ZNF710: variants seen among roughly 807,000 people sequenced by gnomAD.
ZNF710 encodes the protein zinc finger protein 710.
ZNF710 carries 13 observed loss-of-function variants against 50.6 expected under a neutral mutation model. That is an observed-to-expected ratio of 0.26 (90% CI 0.17 to 0.41). ZNF710 has a LOEUF of 0.41. Among genes scored for constraint, ZNF710 ranks in the 10% least tolerant of loss-of-function variants. The pLI is 1.00. For synonymous variants in ZNF710, 383 were observed against 397.0 expected, an observed-to-expected ratio of 0.96 and a Z score of 0.42; for missense variants, 721 against 936.6, an observed-to-expected ratio of 0.77 and a Z score of 3.01.
At chr15:90,026,260 C>CA (rs1303807061) in intron 1 of ZNF710, among the ~76,000 whole-genome samples, 44 of 40,772 alleles carry the variant, frequency 1.1e-3, no homozygotes, top group Admixed American at 6.6e-3. Flanking sequence ...AAAACAACAA[C>CA]AACAACAACA....
chr15:90,074,105 ATGTGTTCTAGGTGTGCGGGAAGTC>A lies in ZNF710; in HGVS notation c.1651-10_1664del. ...CCCACAGGCTCAGGACACCGGGTTGATGTGTTCTAGGTGTGCGGGAAGTCCTTCAACCGCATGTACAACCTGCTG... is the reference window on the plus strand; with the variant it reads ...CCCACAGGCTCAGGACACCGGGTTGACTTCAACCGCATGTACAACCTGCTG... On this transcript the variant is annotated splice_acceptor_variant and splice_polypyrimidine_tract_variant and coding_sequence_variant and intron_variant, in exon 4 of 5. Transcript: ENST00000268154. LOFTEE classifies it high-confidence loss of function. 6.2e-7 allele frequency: 1 copy of A among 1,605,694 alleles called. No individual in the cohort carries two copies. Among genetic ancestry groups the A allele is most frequent in the Non-Finnish European group, 8.5e-7 (1 of 1,177,174 alleles).
At position 90,045,393 on chromosome 15, in the gene ZNF710, GGTTT is replaced by G. The variant is rs1023088474; in HGVS notation, c.-28-21715_-28-21712del. On this transcript the variant is annotated intron_variant, in intron 1 of 4. Transcript: ENST00000268154. ...AGAGGTTAGACAGTGACGGCTGACA[GGTTT>G]GCCGTCTGGGAACTGTTGCGGACCT... The G allele has an allele frequency of 2.6e-5, 26 of 985,424 alleles. No individual in the cohort carries two copies. The African/African-American group carries it at 4.0e-4, about 15-fold the overall frequency. 61.0% of individuals were successfully genotyped at this position (985,424 alleles called of 1,614,324 possible).
intron 1 of ZNF710, among the ~76,000 whole-genome samples, chr15:90,004,489 C>T (rs1049066728): frequency 1.3e-5 from 2 of 152,166 alleles, no homozygotes; most frequent in African/African-American, 4.8e-5. Context: ...GGGCCTAGCC[C>T]GCGGCAGGAC....
chr15:90,062,106 C>T lies in ZNF710; in HGVS notation c.-28-5004C>T, dbSNP rs889297623. On this transcript the variant is annotated intron_variant, in intron 1 of 4. Transcript: ENST00000268154. The surrounding 1 kb of genome is among the most constrained non-coding windows in gnomAD (Gnocchi z 5.6). ...TCCGGTGTCACTGCACGCCCCTCCC[C>T]CTCCCGCCTTTGTTTCTTGGCCTCC... Among the ~76,000 whole-genome samples the T allele has an allele frequency of 6.6e-6, 1 of 151,676 alleles. No homozygotes were observed. Among genetic ancestry groups the T allele is most frequent in the Non-Finnish European group, 1.5e-5 (1 of 67,854 alleles).
chr15:90,023,661 G>T (rs1035065480), intron 1 of ZNF710, among the ~76,000 whole-genome samples: 1 of 152,074 alleles, frequency 6.6e-6, no homozygotes, highest in Non-Finnish European at 1.5e-5. Context: ...ACCAGCCTGG[G>T]TGACAGAGTG....
intron 1 of ZNF710, among the ~76,000 whole-genome samples, chr15:90,048,321 C>T (rs538359923): frequency 6.6e-6 from 1 of 152,318 alleles, no homozygotes; most frequent in East Asian, 1.9e-4. Context: ...CTTGTGTTTC[C>T]TTCTTCACTT....
intron 1 of ZNF710, among the ~76,000 whole-genome samples, chr15:90,061,487 A>G (rs1322666010): frequency 6.6e-6 from 1 of 152,044 alleles, no homozygotes; most frequent in African/African-American, 2.4e-5. Flanking sequence ...TTGGTGTTTG[A>G]GATCTCCCTG....
intron 1 of ZNF710, among the ~76,000 whole-genome samples, chr15:90,035,641 C>G (rs953204460): frequency 5.3e-5 from 8 of 152,198 alleles, no homozygotes; most frequent in African/African-American, 1.9e-4. Context: ...GGCGGGAAGC[C>G]CCGCACTTCC....
chr15:90,049,546 T>C lies in ZNF710; in HGVS notation c.-28-17564T>C, dbSNP rs1899572918. 1.3e-5 allele frequency among the ~76,000 whole-genome samples: 2 copies of C among 152,202 alleles called. 1 individual carries two copies. Among genetic ancestry groups the C allele is most frequent in the South Asian group, 4.1e-4 (2 of 4,836 alleles). On this transcript the variant is annotated intron_variant, in intron 1 of 4. Coordinates refer to ENST00000268154, the MANE Select transcript of ZNF710 (RefSeq NM_198526.4). ...CATCTGGGACACATGGCCCAGAGCC[T>C]ACCACCCTGCAGACAGGGCTTCCAA... is the stretch of plus-strand genomic sequence containing the variant.
In ZNF710 at chr15:90,062,467, G is replaced by A. The variant is rs892817733; in HGVS notation, c.-28-4643G>A. 6.6e-6 allele frequency among the ~76,000 whole-genome samples: 1 copy of A among 152,108 alleles called. No individual in the cohort carries two copies. Among genetic ancestry groups the A allele is most frequent in the African/African-American group, 2.4e-5 (1 of 41,428 alleles). On this transcript the variant is annotated intron_variant, in intron 1 of 4. Transcript: ENST00000268154. The surrounding 1 kb of genome is among the most constrained non-coding windows in gnomAD (Gnocchi z 5.6). ...GGGGAGCTTTTGTTCTGAGTCCTTA[G>A]CACAAGTGGTGGGAGAGGCCCTGCT...
intron 1 of ZNF710, among the ~76,000 whole-genome samples, chr15:90,058,721 A>ATATATATATATATATATATATATGTATG (rs1567236953): frequency 1.9e-4 from 28 of 144,634 alleles, no homozygotes; most frequent in African/African-American, 7.8e-4. Context: ...ATATATATAC[A>ATATATATATATATATATATATATGTATG]CACATATACA....
chr15:90,061,509 T>C (rs1452745767), intron 1 of ZNF710, among the ~76,000 whole-genome samples: 1 of 152,162 alleles, frequency 6.6e-6, no homozygotes. Context: ...TGGTGGGAAC[T>C]AGTCAAAGAG....
At chr15:90,021,544 G>A (rs58957390) in intron 1 of ZNF710, among the ~76,000 whole-genome samples, 129 of 152,280 alleles carry the variant, frequency 8.5e-4, no homozygotes, top group African/African-American at 3.1e-3. Context: ...ATCGCCCTTT[G>A]TTCTCTCTTA....
rs963067884 is a variant in ZNF710 at position 90,059,302 on chromosome 15, A to G, written c.-28-7808A>G. Among the ~76,000 whole-genome samples the G allele has an allele frequency of 2.0e-5, 3 of 152,188 alleles. No homozygotes were observed. Among genetic ancestry groups the G allele is most frequent in the African/African-American group, 7.2e-5 (3 of 41,440 alleles). ...AGCCTGCCTGGGAGCCATCTTGGGC[A>G]GCAAATGAAGGCATGGGCAGTGCAT... On this transcript the variant is annotated intron_variant, in intron 1 of 4. Coordinates refer to ENST00000268154, the MANE Select transcript of ZNF710 (RefSeq NM_198526.4). The surrounding 1 kb of genome is among the most constrained non-coding windows in gnomAD (Gnocchi z 4.1).
At chr15:90,051,404 C>T (rs1232951483) in intron 1 of ZNF710, among the ~76,000 whole-genome samples, 3 of 151,812 alleles carry the variant, frequency 2.0e-5, no homozygotes, top group African/African-American at 4.8e-5. Flanking sequence ...GAGGCTGAGG[C>T]GGGCGGATCG....
Position 90,067,728 on chromosome 15 carries a change from T to C in ZNF710, c.591T>C (p.Asp197=). ...CTCACTTCCCGGCCCCGGCCCGGGA[T>C]GGCTTCCCCGAGCCCAGCATGGCGC... is the stretch of plus-strand genomic sequence containing the variant. ...YDPHFPAPAR[D]GFPEPSMALP... is the part of the protein sequence containing the mutation. The change falls in exon 2 of 5, where the codon GAT becomes GAC. Residue 197 remains aspartate (D), a synonymous_variant. Transcript: ENST00000268154. The surrounding 1 kb of genome is among the most constrained non-coding windows in gnomAD (Gnocchi z 8.1). 1 of 1,603,548 alleles carries C rather than the reference T, an allele frequency of 6.2e-7. No homozygotes were observed. The highest frequency in any genetic ancestry group is 8.5e-7 in the Non-Finnish European group (1 of 1,175,330).
chr15:90,075,860 C>T (rs1408366741), intron 4 of ZNF710: 2 of 152,252 alleles, frequency 1.3e-5, no homozygotes, highest in African/African-American at 2.4e-5. Context: ...CTCGGCCCCA[C>T]CTGGGATCTT....
intron 1 of ZNF710, among the ~76,000 whole-genome samples, chr15:90,043,736 T>C (rs1219427320): frequency 1.3e-5 from 2 of 152,192 alleles, no homozygotes; most frequent in African/African-American, 4.8e-5. Context: ...GCACGCTGCA[T>C]TCACGCTAGA....
In ZNF710 at chr15:90,040,869, G is replaced by T. The variant is rs1899275245; in HGVS notation, c.-28-26241G>T. Among the ~76,000 whole-genome samples, 1 of 152,132 alleles carries T rather than the reference G, an allele frequency of 6.6e-6. No homozygotes were observed. Among genetic ancestry groups the T allele is most frequent in the South Asian group, 2.1e-4 (1 of 4,828 alleles). ...TTGCCTCCATATTGTTGCAAGTGAG[G>T]ACTTATCTCTCCACCACCCTATCAT... On this transcript the variant is annotated intron_variant, in intron 1 of 4. Coordinates refer to ENST00000268154, the MANE Select transcript of ZNF710 (RefSeq NM_198526.4). This position sits in a 1 kb window ranked among gnomAD's most constrained non-coding sequence, Gnocchi z 4.6.
Sources: gnomAD v4.1 joint callset for allele counts (sites outside exome capture counted in the v4.1 genomes callset) on GRCh38, gnomAD v4.1.1 for gene constraint, Gnocchi (gnomAD v3.1) non-coding constraint, MANE v1.5 for transcripts, NCBI Gene and HGNC (gene_info 2026-07-23, HGNC 2026-07-21) for gene names.